PLCXD3: variants seen among roughly 807,000 people sequenced by gnomAD.
PLCXD3 encodes the protein phosphatidylinositol specific phospholipase C X domain containing 3.
PLCXD3 carries 19 observed loss-of-function variants against 25.5 expected under a neutral mutation model. The ratio of observed to expected loss-of-function variants is 0.75; its 90% CI spans 0.52 to 1.09. The LOEUF is 1.09. Among genes scored for constraint, PLCXD3 ranks in the 50% least tolerant of loss-of-function variants. The probability of loss-of-function intolerance (pLI) is 0.00; values close to 1 mark genes in which losing one functional copy is unlikely to be tolerated. For synonymous variants in PLCXD3, 174 were observed against 137.6 expected, an observed-to-expected ratio of 1.26 and a Z score of -1.85; for missense variants, 411 against 388.1, an observed-to-expected ratio of 1.06 and a Z score of -0.50.
intron 1 of PLCXD3, among the ~76,000 whole-genome samples, chr5:41,399,639 C>G (rs1390809655): frequency 2.0e-5 from 3 of 151,906 alleles, no homozygotes; most frequent in Non-Finnish European, 4.4e-5. Context: ...ACTGGCTATC[C>G]ATATGCAGAA....
rs1171866302 is a variant in PLCXD3 at position 41,452,045 on chromosome 5, TC to T, written c.103+58378del. 7.2e-5 allele frequency among the ~76,000 whole-genome samples: 11 copies of T among 152,130 alleles called. No homozygotes were observed. In the East Asian group the frequency reaches 2.1e-3, roughly 29 times the overall value. On this transcript the variant is annotated intron_variant, in intron 1 of 2. Transcript: ENST00000377801. ...GATTGCTTTCCTTACTGAAATAAAA[TC>T]AAGGACCCCAAGGTATTGGTGCCAG...
At chr5:41,466,768 A>T (rs1213384721) in intron 1 of PLCXD3, among the ~76,000 whole-genome samples, 1 of 152,068 alleles carries the variant, frequency 6.6e-6, no homozygotes, top group Non-Finnish European at 1.5e-5. Context: ...CTATGAATTC[A>T]ACTTTATTAG....
intron 1 of PLCXD3, among the ~76,000 whole-genome samples, chr5:41,472,494 G>A (rs955053467): frequency 6.6e-6 from 1 of 152,224 alleles, no homozygotes; most frequent in Non-Finnish European, 1.5e-5. Context: ...GTATGTGATA[G>A]CATTGGAAAT....
intron 2 of PLCXD3, among the ~76,000 whole-genome samples, chr5:41,357,327 A>G (rs889072753): frequency 2.0e-5 from 3 of 152,244 alleles, no homozygotes; most frequent in Non-Finnish European, 2.9e-5. Flanking sequence ...AAAAGTTGTT[A>G]TCAATTAAAA....
intron 2 of PLCXD3, among the ~76,000 whole-genome samples, chr5:41,365,802 A>T (rs1415473285): frequency 6.6e-6 from 1 of 152,072 alleles, no homozygotes; most frequent in Non-Finnish European, 1.5e-5. Flanking sequence ...TTAATGTTTC[A>T]TTCACTTTTC....
At chr5:41,339,545 C>A (rs1476336038) in intron 2 of PLCXD3, among the ~76,000 whole-genome samples, 1 of 151,904 alleles carries the variant, frequency 6.6e-6, no homozygotes, top group Non-Finnish European at 1.5e-5. Context: ...TTATCAAATA[C>A]AGAAGCAGGG....
intron 2 of PLCXD3, among the ~76,000 whole-genome samples, chr5:41,373,987 T>C (rs1745204013): frequency 1.3e-5 from 2 of 152,030 alleles, no homozygotes; most frequent in Admixed American, 1.3e-4. Context: ...TCTACCTGAG[T>C]GATACAGCAA....
intron 1 of PLCXD3, among the ~76,000 whole-genome samples, chr5:41,388,994 T>C (rs1378995935): frequency 6.6e-6 from 1 of 151,740 alleles, no homozygotes; most frequent in Non-Finnish European, 1.5e-5. Context: ...TTTATACATA[T>C]ATACAAGCAC....
At chr5:41,376,620 C>T (rs1745303132) in intron 2 of PLCXD3, among the ~76,000 whole-genome samples, 1 of 152,090 alleles carries the variant, frequency 6.6e-6, no homozygotes, top group Non-Finnish European at 1.5e-5. Flanking sequence ...GAGAAGCTAC[C>T]CCTATCCATC....
intron 1 of PLCXD3, among the ~76,000 whole-genome samples, chr5:41,433,001 A>C (rs1284447469): frequency 1.3e-5 from 2 of 152,178 alleles, no homozygotes; most frequent in Admixed American, 6.5e-5. Flanking sequence ...CTTAATTTCA[A>C]GGTCCTGGAA....
chr5:41,459,896 CA>C (rs1287149857), intron 1 of PLCXD3, among the ~76,000 whole-genome samples: 1 of 151,828 alleles, frequency 6.6e-6, no homozygotes, highest in Non-Finnish European at 1.5e-5. Context: ...CTGTGCTTGT[CA>C]TTGGGCTAAG....
chr5:41,424,309 C>T (rs148342991), intron 1 of PLCXD3, among the ~76,000 whole-genome samples: 2,046 of 152,122 alleles, frequency 0.013, 50 homozygotes, highest in African/African-American at 0.046. Context: ...TTTGAGAGGC[C>T]GAGGCGGGCA....
At chr5:41,482,231 T>C (rs1195924186) in intron 1 of PLCXD3, among the ~76,000 whole-genome samples, 6 of 152,174 alleles carry the variant, frequency 3.9e-5, no homozygotes, top group Non-Finnish European at 8.8e-5. Flanking sequence ...TATCTCCATT[T>C]CCAGCTCCCA....
chr5:41,334,314 C>T (rs72755968), intron 2 of PLCXD3, among the ~76,000 whole-genome samples: 11,282 of 152,036 alleles, frequency 0.074, 737 homozygotes, highest in East Asian at 0.35. Flanking sequence ...CAACACATAC[C>T]CAGGTGACAA....
chr5:41,328,253 G>T (rs1288255096), intron 2 of PLCXD3, among the ~76,000 whole-genome samples: 1 of 152,140 alleles, frequency 6.6e-6, no homozygotes, highest in Non-Finnish European at 1.5e-5. Context: ...TCTCTCTGTA[G>T]TGGTGTCACA....
intron 1 of PLCXD3, among the ~76,000 whole-genome samples, chr5:41,440,887 G>T (rs536617294): frequency 1.6e-4 from 24 of 152,204 alleles, no homozygotes; most frequent in African/African-American, 5.8e-4. Flanking sequence ...TTAACCTAAG[G>T]CAGAAAGGAT....
At chr5:41,368,163 A>G (rs1036146972) in intron 2 of PLCXD3, among the ~76,000 whole-genome samples, 7 of 152,136 alleles carry the variant, frequency 4.6e-5, no homozygotes, top group African/African-American at 1.7e-4. Flanking sequence ...TTCTCCTTGA[A>G]GAGGTCCTTC....
intron 1 of PLCXD3, among the ~76,000 whole-genome samples, chr5:41,432,477 G>A (rs553064165): frequency 1.3e-5 from 2 of 152,332 alleles, no homozygotes; most frequent in African/African-American, 4.8e-5. Flanking sequence ...CTGCATTGAG[G>A]TTGTTCATTC....
At chr5:41,500,472 A>T (rs564107153) in intron 1 of PLCXD3, among the ~76,000 whole-genome samples, 15 of 151,926 alleles carry the variant, frequency 9.9e-5, no homozygotes, top group South Asian at 2.1e-4. Context: ...AATGGGTACA[A>T]TGTATATTAT....
Sources: gnomAD v4.1 joint callset for allele counts (sites outside exome capture counted in the v4.1 genomes callset) on GRCh38, gnomAD v4.1.1 for gene constraint, MANE v1.5 for transcripts, NCBI Gene and HGNC (gene_info 2026-07-23, HGNC 2026-07-21) for gene names.